The following HCN2 variants were observed in gnomAD, a reference collection of about 807,000 sequenced individuals.
The protein encoded by HCN2 is potassium/sodium hyperpolarization-activated cyclic nucleotide-gated channel 2.
Under a neutral mutation model 52.3 loss-of-function variants are expected in HCN2, and 20 were observed. The observed-to-expected ratio is 0.38, with a 90% CI of 0.27 to 0.56. HCN2 has a LOEUF of 0.56. HCN2 is among the 20% of genes least tolerant of loss of function. HCN2 has a pLI of 0.71. For synonymous variants in HCN2, 694 were observed against 537.0 expected (o/e 1.29, Z -4.04); for missense variants, 981 against 1,207.7 (o/e 0.81, Z 2.78).
At chr19:609,352 G>T (rs1410254078) in intron 4 of HCN2, among the ~76,000 whole-genome samples, 2 of 152,186 alleles carry the variant, frequency 1.3e-5, no homozygotes, top group Non-Finnish European at 2.9e-5. Context: ...TTTCTGGAAA[G>T]ATCATCAGGG....
At position 612,275 on chromosome 19, in the gene HCN2, C is replaced by G. The variant is rs527316263; in HGVS notation, c.1585-973C>G. ...ACGTTCCTGCCGTCCTTAGAAGCTG[C>G]CTTTGCTAAGGGGAATTGCCCTGAC... On this transcript the variant is annotated intron_variant, in intron 5 of 7. Coordinates refer to ENST00000251287, the MANE Select transcript of HCN2 (RefSeq NM_001194.4). Among the ~76,000 whole-genome samples the G allele has an allele frequency of 8.3e-4, 127 of 152,328 alleles. 2 individuals carry two copies. The South Asian group carries it at 0.026, about 31-fold the overall frequency.
intron 1 of HCN2, among the ~76,000 whole-genome samples, chr19:602,812 G>T (rs992829971): frequency 3.3e-5 from 5 of 152,250 alleles, no homozygotes; most frequent in African/African-American, 1.2e-4. Context: ...AGGACACGGG[G>T]TCAAAGTTGG....
rs1430775153 is a variant in HCN2, at chr19:616,994, C to G, written c.*520C>G. The G allele has an allele frequency of 8.0e-6, 4 of 497,612 alleles. No homozygotes were observed. The highest frequency in any genetic ancestry group is 5.8e-5 in the African/African-American group (3 of 51,286). The allele number at this position is 497,612 out of a possible 1,614,324, so 30.8% of individuals were successfully genotyped here. ...ACCCCGCCTCCCTCCAGCACTGGCA[C>G]CGAGAGGCAGGCCTGGCTGCGCAGG... is the stretch of plus-strand genomic sequence containing the variant. On this transcript the variant is annotated 3_prime_UTR_variant, in exon 8 of 8. Transcript: ENST00000251287.
chr19:599,710 C>A (rs11085137), intron 1 of HCN2, among the ~76,000 whole-genome samples: 62,638 of 151,590 alleles, frequency 0.41, 13,552 homozygotes, highest in East Asian at 0.64. Flanking sequence ...ATGGTGTGAA[C>A]CCTGGAGGCG....
intron 3 of HCN2, among the ~76,000 whole-genome samples, chr19:605,870 C>T (rs1235769247): frequency 2.6e-5 from 4 of 151,242 alleles, no homozygotes; most frequent in South Asian, 4.2e-4. Flanking sequence ...CCCCCTTACA[C>T]GGGAGGACTC....
In HCN2 at chr19:610,400, C is replaced by A; in HGVS notation, c.1579C>A (p.Arg527=). The A allele has an allele frequency of 6.2e-7, 1 of 1,612,870 alleles. No individual in the cohort carries two copies. The highest frequency in any genetic ancestry group is 1.1e-5 in the South Asian group (1 of 91,056). ...SILGELNGPL[R]EEIVNFNCRK... ...CCTGGGCGAGCTCAACGGGCCCCTG[C>A]GGGAGGTGAGGCGGGCGCCGGGCGG... The change falls in exon 5 of 8, where the codon CGG becomes AGG. Residue 527 remains arginine (R), a synonymous_variant. Transcript: ENST00000251287.
At chr19:611,220 A>G (rs1466470209) in intron 5 of HCN2, among the ~76,000 whole-genome samples, 2 of 152,228 alleles carry the variant, frequency 1.3e-5, no homozygotes, top group Non-Finnish European at 2.9e-5. Context: ...TCAACCCACA[A>G]CACACATCAA....
intron 5 of HCN2, among the ~76,000 whole-genome samples, chr19:612,927 G>A (rs564304643): frequency 1.3e-5 from 2 of 151,406 alleles, no homozygotes; most frequent in Admixed American, 1.3e-4. Flanking sequence ...CGATCCTCCC[G>A]CCTCGGCCTC....
intron 1 of HCN2, among the ~76,000 whole-genome samples, chr19:602,897 G>T (rs1983254138): frequency 1.3e-5 from 2 of 152,190 alleles, no homozygotes; most frequent in Admixed American, 1.3e-4. Flanking sequence ...CCTTCCTGGG[G>T]TGGGAGCCTG....
chr19:615,604 C>T (rs1385993848), intron 7 of HCN2, among the ~76,000 whole-genome samples, 191 bp from the exon 8 acceptor site: 1 of 152,242 alleles, frequency 6.6e-6, no homozygotes, highest in Non-Finnish European at 1.5e-5. Context: ...CTGTATATGG[C>T]AGGTACTCAA....
At chr19:612,021 T>G (rs1320468731) in intron 5 of HCN2, among the ~76,000 whole-genome samples, 1 of 151,934 alleles carries the variant, frequency 6.6e-6, no homozygotes, top group Non-Finnish European at 1.5e-5. Flanking sequence ...GGTGGGCGCC[T>G]GTAATCCCAG....
intron 6 of HCN2, among the ~76,000 whole-genome samples, 154 bp downstream of exon 6, chr19:613,642 GATGGGGAT>G (rs1568368753): frequency 9.9e-5 from 6 of 60,644 alleles, no homozygotes; most frequent in Non-Finnish European, 1.7e-4. Context: ...TGGGGCCGGG[GATGGGGAT>G]GGGGATGGGG....
chr19:611,975 G>A (rs755433303), intron 5 of HCN2, among the ~76,000 whole-genome samples: 9 of 152,052 alleles, frequency 5.9e-5, no homozygotes, highest in South Asian at 4.1e-4. Flanking sequence ...GTGAAGCCCC[G>A]TCTCCACTAA....
chr19:609,726 C>A (rs962294869), intron 4 of HCN2, among the ~76,000 whole-genome samples: 1 of 152,110 alleles, frequency 6.6e-6, no homozygotes, highest in Non-Finnish European at 1.5e-5. Flanking sequence ...TATGGCGAGA[C>A]CTCATCTCCA....
intron 4 of HCN2, among the ~76,000 whole-genome samples, chr19:608,551 A>C (rs1160993888): frequency 7.5e-6 from 1 of 133,570 alleles, no homozygotes; most frequent in Non-Finnish European, 1.6e-5. Flanking sequence ...ACCCTGTGAC[A>C]GGGAGGGAGG....
Position 610,362 on chromosome 19 carries a change from A to G in HCN2, c.1541A>G (p.Asp514Gly), listed in dbSNP as rs372558533. The G allele has an allele frequency of 1.1e-5, 17 of 1,613,586 alleles. No homozygotes were observed. The highest frequency in any genetic ancestry group is 1.4e-5 in the Non-Finnish European group (17 of 1,179,766). Residue 514 changes from aspartate (D) to glycine (G), a missense_variant, in exon 5 of 8, where the codon GAC becomes GGC. Transcript: ENST00000251287. ...CACCGTTACCAGGGCAAGATGTTTG[A>G]CGAGGACAGCATCCTGGGCGAGCTC... is the stretch of plus-strand genomic sequence containing the variant. ...YEHRYQGKMF[D>G]EDSILGELNG...
rs555844825 is a variant in HCN2, at chr19:613,886, G to A, written c.1860G>A (p.Ala620=). Residue 620 remains alanine (A), a synonymous_variant, in exon 7 of 8, where the codon GCG becomes GCA. Coordinates refer to ENST00000251287, the MANE Select transcript of HCN2 (RefSeq NM_001194.4). The part of the protein sequence containing the change: ...ICLLTRGRRT[A]SVRADTYCRL... ...TGCTCACCCGGGGCCGCCGCACGGC[G>A]AGCGTGCGGGCTGACACCTACTGCC... The A allele has an allele frequency of 1.6e-5, 25 of 1,595,258 alleles. No individual in the cohort carries two copies. Among genetic ancestry groups the A allele is most frequent in the Non-Finnish European group, 1.9e-5 (22 of 1,171,428 alleles).
At position 590,390 on chromosome 19, in the gene HCN2, G is replaced by A. The variant is rs1379970401; in HGVS notation, c.445G>A (p.Ala149Thr). 5 of 1,263,526 alleles carry A rather than the reference G, an allele frequency of 4.0e-6. No individual in the cohort carries two copies. Among genetic ancestry groups the A allele is most frequent in the Non-Finnish European group, 3.0e-6 (3 of 995,374 alleles). 78.3% of individuals were successfully genotyped at this position (1,263,526 alleles called of 1,614,324 possible). A position where few individuals can be genotyped will look rare whatever the true frequency, so the allele number is the denominator to read the frequency against. ...GPAEEAGSEE[A>T]GPAGEPRGSQ... ...GGCGGAGGAGGCGGGCAGCGAGGAG[G>A]CGGGCCCGGCGGGGGAGCCGCGCGG... is the stretch of plus-strand genomic sequence containing the variant. The change falls in exon 1 of 8, where the codon GCG becomes ACG. Residue 149 changes from alanine (A) to threonine (T), a missense_variant. Ala to Thr is a moderately conservative substitution (Grantham distance 58, BLOSUM62 0). Coordinates refer to ENST00000251287, the MANE Select transcript of HCN2 (RefSeq NM_001194.4). This position sits in a 1 kb window ranked among gnomAD's most constrained non-coding sequence, Gnocchi z 7.2.
At position 594,213 on chromosome 19, in the gene HCN2, G is replaced by T. The variant is rs1600516126; in HGVS notation, c.632+3636G>T. Reference sequence around the variant, plus strand: ...AAGCTTGCTGTCATCCACCCTCCCTGCCCCCGGTGTCACCGAGGGGGCTGG... The same window carrying T: ...AAGCTTGCTGTCATCCACCCTCCCTTCCCCCGGTGTCACCGAGGGGGCTGG... On this transcript the variant is annotated intron_variant, in intron 1 of 7. Coordinates refer to ENST00000251287, the MANE Select transcript of HCN2 (RefSeq NM_001194.4). Among the ~76,000 whole-genome samples the T allele has an allele frequency of 2.6e-5, 3 of 115,778 alleles. No homozygotes were observed. The South Asian group carries it at 1.0e-3, about 40-fold the overall frequency. The allele number at this position is 115,778 out of a possible 152,430, so 76.0% of individuals were successfully genotyped here.
Sources: allele counts gnomAD v4.1 joint callset (sites outside exome capture counted in the v4.1 genomes callset), GRCh38; gene constraint gnomAD v4.1.1; non-coding constraint Gnocchi (gnomAD v3.1); transcripts MANE v1.5; gene names NCBI Gene and HGNC (gene_info 2026-07-23, HGNC 2026-07-21).